Variants in ANPEP observed in about 807,000 individuals in gnomAD.
The protein encoded by ANPEP is alanyl aminopeptidase, membrane.
In ANPEP, 70 loss-of-function variants were observed where a neutral mutation model predicts 114.6. The ratio of observed to expected loss-of-function variants is 0.61; its 90% confidence interval spans 0.50 to 0.75. The LOEUF (loss-of-function observed/expected upper bound fraction) is 0.75. Among genes scored for constraint, ANPEP ranks in the 30% least tolerant of loss-of-function variants. The probability of loss-of-function intolerance (pLI) is 0.00; values close to 1 mark genes in which losing one functional copy is unlikely to be tolerated. For missense variants in ANPEP, 1,184 were observed against 1,259.5 expected (o/e 0.94, Z 0.91); for synonymous variants, 548 against 522.3 (o/e 1.05, Z -0.67).
chr15:89,804,123 A>G (rs375414742), intron 6 of ANPEP, 121 bp from the exon 7 acceptor site: 3 of 1,545,136 alleles, frequency 1.9e-6, no homozygotes. Flanking sequence ...CACCATCGTG[A>G]CCCCTTCCTG....
At chr15:89,792,756 G>A (rs1230061672) in intron 16 of ANPEP, among the ~76,000 whole-genome samples, 194 bp from the exon 17 acceptor site, 2 of 151,926 alleles carry the variant, frequency 1.3e-5, no homozygotes, top group Non-Finnish European at 2.9e-5. Context: ...ACCCAGAAGG[G>A]CAGGAACAGG....
In ANPEP at chr15:89,806,432, G is replaced by C. The variant is rs373138765; in HGVS notation, c.152C>G (p.Pro51Arg). Residue 51 changes from proline to arginine, a missense_variant, in exon 2 of 21, where the codon CCG (proline) becomes CGG (arginine). Pro to Arg is a moderately radical substitution (Grantham distance 103). Coordinates refer to ENST00000300060, the MANE Select transcript of ANPEP (RefSeq NM_001150.3). The surrounding 1 kb of genome is among the most constrained non-coding windows in gnomAD (Gnocchi z 5.7). Reference protein sequence around the residue: ...ANSSPVASTTPSASATTNPAS... With the variant: ...ANSSPVASTTRSASATTNPAS... ...GGGGTTGGTGGTGGCTGAGGCGGAC[G>C]GGGTGGTGGAGGCCACGGGGGAGCT... 1.9e-6 allele frequency: 3 copies of C among 1,613,888 alleles called. No homozygotes were observed. Among genetic ancestry groups the C allele is most frequent in the Non-Finnish European group, 2.5e-6 (3 of 1,179,802 alleles).
chr15:89,810,245 A>G (rs1363522135), intron 1 of ANPEP, among the ~76,000 whole-genome samples: 3 of 152,054 alleles, frequency 2.0e-5, no homozygotes, highest in South Asian at 2.1e-4. Context: ...TGGGCATGGT[A>G]GCAGGTGCCC....
At chr15:89,805,921 G>A (rs1028187102) in intron 2 of ANPEP, 49 bp downstream of exon 2, 2 of 1,547,670 alleles carry the variant, frequency 1.3e-6, no homozygotes, top group African/African-American at 2.7e-5. Flanking sequence ...ATCCAGCCTT[G>A]CCTCAGCACC....
chr15:89,788,051 C>T (rs79223525), intron 20 of ANPEP, among the ~76,000 whole-genome samples: 2,545 of 152,302 alleles, frequency 0.017, 61 homozygotes, highest in African/African-American at 0.052. Flanking sequence ...GACAATGGTA[C>T]AGTTGCTTTG....
At chr15:89,798,537 C>T (rs554594586) in intron 14 of ANPEP, among the ~76,000 whole-genome samples, 5 of 147,794 alleles carry the variant, frequency 3.4e-5, no homozygotes, top group African/African-American at 1.0e-4. Flanking sequence ...CTCAGGAGGC[C>T]GAGAAGGGAG....
intron 15 of ANPEP, among the ~76,000 whole-genome samples, chr15:89,793,686 G>C (rs1968675949): frequency 7.4e-6 from 1 of 134,956 alleles, no homozygotes; most frequent in Non-Finnish European, 1.5e-5. Context: ...CTGGGTAACA[G>C]AGCGAGACTC....
chr15:89,792,505 C>T lies in ANPEP; in HGVS notation c.2307G>A (p.Glu769=). ...GCTTGAAAAGGCCAGAGACCATCTC[C>T]TCACACTCTGGAACTCCGTTGGAGC... ...TACSNGVPEC[E]EMVSGLFKQW... The change falls in exon 17 of 21, where the codon GAG becomes GAA. Residue 769 remains glutamate, a synonymous_variant. Coordinates refer to ENST00000300060, the MANE Select transcript of ANPEP (RefSeq NM_001150.3). The T allele has an allele frequency of 1.2e-6, 2 of 1,614,206 alleles. No individual in the cohort carries two copies. Among genetic ancestry groups the T allele is most frequent in the South Asian group, 1.1e-5 (1 of 91,088 alleles).
Position 89,792,568 on chromosome 15 carries a change from C to G in ANPEP, c.2250-6G>C. ...TGGCATTAACCTCGCTGTACCTGCC[C>G]CAGGGGTGACACGCGGTTAGCACAC... On this transcript the variant is annotated splice_region_variant and splice_polypyrimidine_tract_variant and intron_variant, in intron 16 of 20. Transcript: ENST00000300060. 6.2e-7 allele frequency: 1 copy of G among 1,613,038 alleles called. No individual in the cohort carries two copies. Among genetic ancestry groups the G allele is most frequent in the East Asian group, 2.2e-5 (1 of 44,860 alleles).
At chr15:89,811,650 A>G (rs1346058080) in intron 1 of ANPEP, among the ~76,000 whole-genome samples, 2 of 134,026 alleles carry the variant, frequency 1.5e-5, no homozygotes, top group Non-Finnish European at 3.2e-5. Context: ...CATCTCAAGT[A>G]AAAAAAAAAA....
chr15:89,786,304 T>C (rs889670363), intron 20 of ANPEP, among the ~76,000 whole-genome samples: 1 of 151,094 alleles, frequency 6.6e-6, no homozygotes, highest in Non-Finnish European at 1.5e-5. Flanking sequence ...TCTGTGTCCA[T>C]GGACTGGAAG....
chr15:89,805,434 G>A lies in ANPEP; in HGVS notation c.644C>T (p.Ala215Val). ...KVVATTQMQA[A>V]DARKSFPCFD... ...GCATGGGAAGGACTTCCGGGCATCTGCAGCCTGCATCTGTGTAGTGGCCAC... is the reference window on the plus strand; with the variant it reads ...GCATGGGAAGGACTTCCGGGCATCTACAGCCTGCATCTGTGTAGTGGCCAC... Residue 215 changes from alanine (A) to valine (V), a missense_variant, in exon 3 of 21, where the codon GCA (alanine) becomes GTA (valine). By Grantham distance (64) the Ala-to-Val change is moderately conservative (BLOSUM62 0). Transcript: ENST00000300060. The A allele has an allele frequency of 6.2e-7, 1 of 1,614,172 alleles. No homozygotes were observed. Among genetic ancestry groups the A allele is most frequent in the Non-Finnish European group, 8.5e-7 (1 of 1,180,016 alleles).
chr15:89,801,478 G>A lies in ANPEP; in HGVS notation c.1699C>T (p.Leu567Phe), dbSNP rs1364256395. Reference protein sequence around the residue: ...STGTLSQEHFLLDPDSNVTRP... With the variant: ...STGTLSQEHFFLDPDSNVTRP... ...GTAACATTGGAATCGGGGTCAAGGA[G>A]GAAGTGCTCCTGGGAAAGGGTCCCC... The change falls in exon 11 of 21, where the codon CTC becomes TTC. Residue 567 changes from leucine to phenylalanine, a missense_variant. Leu to Phe is a conservative substitution (Grantham distance 22). Coordinates refer to ENST00000300060, the MANE Select transcript of ANPEP (RefSeq NM_001150.3). 7 of 1,614,076 alleles carry A rather than the reference G, an allele frequency of 4.3e-6. No homozygotes were observed. The highest frequency in any genetic ancestry group is 1.6e-4 in the Middle Eastern group (1 of 6,084).
At chr15:89,792,077 GA>G in intron 18 of ANPEP, 82 bp downstream of exon 18, 1 of 1,492,024 alleles carries the variant, frequency 6.7e-7, no homozygotes, top group East Asian at 2.3e-5. Flanking sequence ...TCACGTGAAG[GA>G]TCTGGCGAGG....
rs1170449116 is a variant in ANPEP at position 89,812,081 on chromosome 15, G to T, written c.-224+2691C>A. On this transcript the variant is annotated intron_variant, in intron 1 of 20. Transcript: ENST00000300060. ...ACTTGTGGGTGGGGAGAGGCTCCTTGGTCTCAGATGTGAAGTGCAAGAGGC... is the reference window on the plus strand; with the variant it reads ...ACTTGTGGGTGGGGAGAGGCTCCTTTGTCTCAGATGTGAAGTGCAAGAGGC... 4.6e-5 allele frequency among the ~76,000 whole-genome samples: 7 copies of T among 152,282 alleles called. No homozygotes were observed. In the East Asian group the frequency reaches 1.4e-3, roughly 29 times the overall value.
At position 89,804,240 on chromosome 15, in the gene ANPEP, G is replaced by A. The variant is rs1245250183; in HGVS notation, c.1179+13C>T. The A allele has an allele frequency of 1.2e-6, 2 of 1,613,940 alleles. No homozygotes were observed. The highest frequency in any genetic ancestry group is 2.7e-5 in the African/African-American group (2 of 74,938). Reference sequence around the variant, plus strand: ...CTGTTTCCTTCTCCGCACTCCCCGAGATGGGGGTCTACCTGGTGGGCCAGC... The same window carrying A: ...CTGTTTCCTTCTCCGCACTCCCCGAAATGGGGGTCTACCTGGTGGGCCAGC... On this transcript the variant is annotated intron_variant, in intron 6 of 20. Coordinates refer to ENST00000300060, the MANE Select transcript of ANPEP (RefSeq NM_001150.3).
At chr15:89,796,373 TG>T (rs1005003554) in intron 15 of ANPEP, among the ~76,000 whole-genome samples, 4 of 152,380 alleles carry the variant, frequency 2.6e-5, no homozygotes, top group Non-Finnish European at 4.4e-5. Flanking sequence ...CTAAATATTA[TG>T]ATTTAACTAC....
intron 20 of ANPEP, among the ~76,000 whole-genome samples, chr15:89,787,850 G>A (rs562636286): frequency 6.6e-6 from 1 of 152,290 alleles, no homozygotes; most frequent in South Asian, 2.1e-4. Flanking sequence ...ACACAAATGT[G>A]TATAAGGCCA....
rs1177027477 is a variant in ANPEP, at chr15:89,811,982, C to A, written c.-224+2790G>T. ...TCTAAACTAAAACCAAAGCCAAAAC[C>A]AAAAAACATGAAGGTTGACAACGAT... On this transcript the variant is annotated intron_variant, in intron 1 of 20. Coordinates refer to ENST00000300060, the MANE Select transcript of ANPEP (RefSeq NM_001150.3). Among the ~76,000 whole-genome samples, 6 of 152,266 alleles carry A rather than the reference C, an allele frequency of 3.9e-5. No homozygotes were observed. The East Asian group carries it at 1.2e-3, about 29-fold the overall frequency.
Sources: allele counts gnomAD v4.1 joint callset (sites outside exome capture counted in the v4.1 genomes callset), GRCh38; gene constraint gnomAD v4.1.1; non-coding constraint Gnocchi (gnomAD v3.1); transcripts MANE v1.5; gene names NCBI Gene and HGNC (gene_info 2026-07-23, HGNC 2026-07-21).